The following AGXT2 variants were observed in gnomAD, a reference collection of about 807,000 sequenced individuals.
The protein encoded by AGXT2 is alanine--glyoxylate aminotransferase 2.
AGXT2 carries 61 observed loss-of-function variants against 62.5 expected under a neutral mutation model. That is an observed-to-expected ratio of 0.98 (90% CI 0.79 to 1.21). The LOEUF (loss-of-function observed/expected upper bound fraction) is 1.21. Ranked by LOEUF, AGXT2 falls within the 50% of genes most tolerant of loss-of-function variation. The pLI is 0.00. For synonymous variants in AGXT2, 243 were observed against 218.7 expected (o/e 1.11, Z -0.98); for missense variants, 666 against 641.5 (o/e 1.04, Z -0.41).
At chr5:35,039,632 G>A (rs2112285127) in intron 2 of AGXT2, 124 bp from the exon 3 acceptor site, 3 of 970,376 alleles carry the variant, frequency 3.1e-6, no homozygotes, top group Non-Finnish European at 4.7e-6. Flanking sequence ...TAGAGGCTCA[G>A]AAGTGCGTGT....
chr5:35,018,064 G>A (rs533289632), intron 9 of AGXT2, among the ~76,000 whole-genome samples: 1 of 152,150 alleles, frequency 6.6e-6, no homozygotes, highest in Non-Finnish European at 1.5e-5. Flanking sequence ...CAAGAAATAT[G>A]GGACTATGTG....
chr5:35,002,780 G>GGGT (rs1554032860), intron 13 of AGXT2, among the ~76,000 whole-genome samples: 2 of 151,808 alleles, frequency 1.3e-5, no homozygotes, highest in African/African-American at 4.8e-5. Context: ...GCAGGCTGGG[G>GGGT]GGGGGGACTA....
chr5:35,033,983 C>A (rs1372914461), intron 5 of AGXT2, among the ~76,000 whole-genome samples: 1 of 152,102 alleles, frequency 6.6e-6, no homozygotes, highest in Non-Finnish European at 1.5e-5. Context: ...TATAAATCAC[C>A]TTATTCTCCA....
At chr5:35,030,131 T>A (rs1767507667) in intron 7 of AGXT2, among the ~76,000 whole-genome samples, 1 of 152,234 alleles carries the variant, frequency 6.6e-6, no homozygotes, top group Non-Finnish European at 1.5e-5. Context: ...CTAAAGGCAG[T>A]GAAGGAGACT....
chr5:35,012,371 A>T (rs911315980), intron 11 of AGXT2: 1 of 154,248 alleles, frequency 6.5e-6, no homozygotes, highest in African/African-American at 2.4e-5. Context: ...CACAAAAAAA[A>T]CCATCATTTA....
chr5:35,025,279 G>A (rs891811115), intron 9 of AGXT2, among the ~76,000 whole-genome samples: 2 of 152,168 alleles, frequency 1.3e-5, no homozygotes, highest in Non-Finnish European at 2.9e-5. Flanking sequence ...GGGAGGCTGT[G>A]GCAGAAGAAT....
intron 3 of AGXT2, among the ~76,000 whole-genome samples, chr5:35,038,390 T>G (rs1157546839): frequency 6.6e-6 from 1 of 152,244 alleles, no homozygotes; most frequent in African/African-American, 2.4e-5. Context: ...CATTTTCTAT[T>G]CCATTTTCTC....
Position 35,025,840 on chromosome 5 carries a change from C to G in AGXT2, c.886G>C (p.Val296Leu). The G allele has an allele frequency of 2.5e-6, 4 of 1,614,130 alleles. No individual in the cohort carries two copies. The highest frequency in any genetic ancestry group is 3.4e-6 in the Non-Finnish European group (4 of 1,179,974). Residue 296 changes from valine to leucine, a missense_variant, in exon 9 of 14, where the codon GTC becomes CTC. Coordinates refer to ENST00000231420, the MANE Select transcript of AGXT2 (RefSeq NM_031900.4). The part of the protein sequence containing the change: ...AEPIQGVNGV[V>L]QYPKGFLKEA... ...TTTAGAAACCCCTTTGGGTACTGGACAACTCCATTCACACCCTGCAAAAGA... is the reference window on the plus strand; with the variant it reads ...TTTAGAAACCCCTTTGGGTACTGGAGAACTCCATTCACACCCTGCAAAAGA...
At chr5:35,009,905 C>T (rs1766562429) in intron 12 of AGXT2, 95 bp downstream of exon 12, 1 of 1,547,138 alleles carries the variant, frequency 6.5e-7, no homozygotes. Context: ...TGTGTCTGCT[C>T]TCTCCTTGAG....
chr5:35,036,962 G>T lies in AGXT2; in HGVS notation c.466C>A (p.Leu156Ile). 1 of 1,614,178 alleles carries T rather than the reference G, an allele frequency of 6.2e-7. No homozygotes were observed. The highest frequency in any genetic ancestry group is 8.5e-7 in the Non-Finnish European group (1 of 1,180,010). The change falls in exon 4 of 14, where the codon CTT (leucine) becomes ATT (isoleucine). Residue 156 changes from leucine to isoleucine, a missense_variant. Physicochemically the swap from Leu to Ile is conservative, Grantham distance 5. Transcript: ENST00000231420. ...TGTACCTTAAGAGGCTCAGGAAGAA[G>T]TGCGGCAAGCTTCTCTGCATATTCA... ...MHEYAEKLAA[L>I]LPEPLKVIFL... is the part of the protein sequence containing the mutation.
chr5:35,040,063 C>CAG (rs371303344), intron 2 of AGXT2, among the ~76,000 whole-genome samples: 3,426 of 143,818 alleles, frequency 0.024, 102 homozygotes, highest in African/African-American at 0.073. Flanking sequence ...GCATGCATAA[C>CAG]AGAGAGAGAG....
At chr5:35,018,636 C>T (rs1469459000) in intron 9 of AGXT2, among the ~76,000 whole-genome samples, 10 of 151,158 alleles carry the variant, frequency 6.6e-5, no homozygotes, top group African/African-American at 2.0e-4. Flanking sequence ...AATGTAAAGA[C>T]CATCGAGACT....
At chr5:35,034,174 A>G (rs767179277) in intron 5 of AGXT2, among the ~76,000 whole-genome samples, 2 of 152,086 alleles carry the variant, frequency 1.3e-5, no homozygotes, top group Non-Finnish European at 2.9e-5. Flanking sequence ...AGGTTGGTGC[A>G]AAAGTAATTG....
At chr5:35,023,822 A>T (rs1580591822) in intron 9 of AGXT2, among the ~76,000 whole-genome samples, 1 of 152,216 alleles carries the variant, frequency 6.6e-6, no homozygotes, top group Non-Finnish European at 1.5e-5. Context: ...AAATTGCAAA[A>T]TTTCTGCTGA....
intron 2 of AGXT2, 141 bp downstream of exon 2, chr5:35,040,434 A>C: frequency 1.3e-6 from 1 of 791,908 alleles, no homozygotes; most frequent in South Asian, 1.4e-5. Flanking sequence ...GATGCTTCCA[A>C]TGACTTAGAG....
intron 9 of AGXT2, among the ~76,000 whole-genome samples, chr5:35,017,502 T>C (rs1292289978): frequency 5.9e-5 from 9 of 152,226 alleles, no homozygotes. Context: ...CTGATGGTTT[T>C]ATAAGGGGAA....
intron 1 of AGXT2, among the ~76,000 whole-genome samples, chr5:35,045,813 G>C (rs540723899): frequency 3.5e-5 from 5 of 144,486 alleles, no homozygotes; most frequent in Non-Finnish European, 7.5e-5. Flanking sequence ...TGTCGCCCAG[G>C]CTGGAGTGCA....
intron 9 of AGXT2, among the ~76,000 whole-genome samples, chr5:35,021,436 G>C (rs1174282979): frequency 1.9e-4 from 28 of 150,782 alleles, no homozygotes; most frequent in Non-Finnish European, 3.5e-4. Flanking sequence ...ACAACTATCT[G>C]ATCTTTGACA....
At chr5:35,043,851 C>A (rs911673377) in intron 1 of AGXT2, among the ~76,000 whole-genome samples, 7 of 152,112 alleles carry the variant, frequency 4.6e-5, no homozygotes, top group Non-Finnish European at 7.4e-5. Context: ...CCACCACACC[C>A]GGCTAGTGTT....
Sources: allele counts gnomAD v4.1 joint callset (sites outside exome capture counted in the v4.1 genomes callset), GRCh38; gene constraint gnomAD v4.1.1; transcripts MANE v1.5; gene names NCBI Gene and HGNC (gene_info 2026-07-23, HGNC 2026-07-21).